ANGPT2: variants seen among roughly 807,000 people sequenced by gnomAD.
The protein encoded by ANGPT2 is angiopoietin-2.
ANGPT2 carries 28 observed loss-of-function variants against 62.9 expected under a neutral mutation model. The ratio of observed to expected loss-of-function variants is 0.44; its 90% confidence interval spans 0.33 to 0.61. The LOEUF (loss-of-function observed/expected upper bound fraction) is 0.61. Among genes scored for constraint, ANGPT2 ranks in the 20% least tolerant of loss-of-function variants. The probability of loss-of-function intolerance (pLI) is 0.03; values close to 1 mark genes in which losing one functional copy is unlikely to be tolerated. For synonymous variants in ANGPT2, 284 were observed against 207.8 expected, an observed-to-expected ratio of 1.37 and a Z score of -3.15; for missense variants, 727 against 594.9, an observed-to-expected ratio of 1.22 and a Z score of -2.31.
chr8:6,541,585 C>T (rs1041213106), intron 1 of ANGPT2, among the ~76,000 whole-genome samples: 1 of 152,236 alleles, frequency 6.6e-6, no homozygotes, highest in Non-Finnish European at 1.5e-5. Context: ...CTGAGTTATT[C>T]TGCAGACTTC....
chr8:6,525,362 A>G (rs911999229), intron 3 of ANGPT2, among the ~76,000 whole-genome samples: 4 of 152,036 alleles, frequency 2.6e-5, no homozygotes, highest in African/African-American at 9.7e-5. Context: ...TCCAAATAGG[A>G]GGGATTACAG....
In ANGPT2 at chr8:6,506,720, A is replaced by G. The variant is rs151275414; in HGVS notation, c.1327+2212T>C. 3.5e-3 allele frequency among the ~76,000 whole-genome samples: 538 copies of G among 151,962 alleles called. 1 individual carries two copies. Among genetic ancestry groups the G allele is most frequent in the African/African-American group, 0.011 (469 of 41,464 alleles). On this transcript the variant is annotated intron_variant, in intron 8 of 8. Transcript: ENST00000629816. ...CTCATTGGTGTAATAATGGTGTAAC[A>G]TAGGGAGGACCTGTGGTACCAAATA...
At chr8:6,535,878 C>G (rs1364639905) in intron 1 of ANGPT2, among the ~76,000 whole-genome samples, 1 of 145,220 alleles carries the variant, frequency 6.9e-6, no homozygotes, top group Non-Finnish European at 1.5e-5. Flanking sequence ...TGAAACCCAT[C>G]TCTACAAAAA....
chr8:6,519,775 T>A, intron 5 of ANGPT2, 89 bp downstream of exon 5: 1 of 1,498,854 alleles, frequency 6.7e-7, no homozygotes, highest in Non-Finnish European at 9.1e-7. Context: ...GGAAGATCTT[T>A]GGGGAGAGAC....
In ANGPT2 at chr8:6,527,073, C is replaced by T. The variant is rs189145462; in HGVS notation, c.566+482G>A. Among the ~76,000 whole-genome samples the T allele has an allele frequency of 1.1e-4, 17 of 152,286 alleles. No individual in the cohort carries two copies. In the East Asian group the frequency reaches 3.3e-3, roughly 29 times the overall value. ...CATTCTGCGTTGAGTGAAGCTAAGT[C>T]CCCAAGGGCAAAGGATCTTGGTCAA... On this transcript the variant is annotated intron_variant, in intron 3 of 8. Transcript: ENST00000629816.
rs1050332243 is a variant in ANGPT2, at chr8:6,518,933, A to C, written c.927+931T>G. Among the ~76,000 whole-genome samples, 6 of 152,122 alleles carry C rather than the reference A, an allele frequency of 3.9e-5. No homozygotes were observed. The East Asian group carries it at 1.2e-3, about 29-fold the overall frequency. ...AGGGTTTTTTTTTTTCCTTATCTAAAGTTCAGTGTCTCCCAAAGCACCTTC... is the reference window on the plus strand; with the variant it reads ...AGGGTTTTTTTTTTTCCTTATCTAACGTTCAGTGTCTCCCAAAGCACCTTC... On this transcript the variant is annotated intron_variant, in intron 5 of 8. Coordinates refer to ENST00000629816, the MANE Select transcript of ANGPT2 (RefSeq NM_001118887.2).
At chr8:6,557,938 T>C (rs1038710338) in intron 1 of ANGPT2, among the ~76,000 whole-genome samples, 3 of 152,180 alleles carry the variant, frequency 2.0e-5, no homozygotes, top group Non-Finnish European at 4.4e-5. Context: ...CCTCCTTTCT[T>C]CCCTGTCAAA....
chr8:6,535,553 CATG>C (rs1199334750), intron 1 of ANGPT2, among the ~76,000 whole-genome samples: 1 of 152,066 alleles, frequency 6.6e-6, no homozygotes, highest in African/African-American at 2.4e-5. Context: ...TACAAATACA[CATG>C]ATGTGTGTAT....
chr8:6,518,107 G>T (rs1370918581), intron 5 of ANGPT2, among the ~76,000 whole-genome samples: 1 of 152,128 alleles, frequency 6.6e-6, no homozygotes, highest in Non-Finnish European at 1.5e-5. Flanking sequence ...CAGTGCACTG[G>T]GGTGGGAAGC....
chr8:6,541,816 C>T (rs2129573980), intron 1 of ANGPT2, among the ~76,000 whole-genome samples: 1 of 152,152 alleles, frequency 6.6e-6, no homozygotes, highest in South Asian at 2.1e-4. Context: ...CCAGCCTAGG[C>T]AACATGGCGA....
At chr8:6,537,134 C>A (rs182083660) in intron 1 of ANGPT2, among the ~76,000 whole-genome samples, 5 of 152,098 alleles carry the variant, frequency 3.3e-5, no homozygotes, top group Middle Eastern at 3.2e-3. Context: ...GGAGGGGACC[C>A]GGCTCTTTCC....
intron 5 of ANGPT2, among the ~76,000 whole-genome samples, chr8:6,518,021 C>A (rs115512325): frequency 3.3e-5 from 5 of 151,308 alleles, no homozygotes; most frequent in African/African-American, 1.2e-4. Context: ...ACCTGAGGCT[C>A]ATATAATCCC....
intron 3 of ANGPT2, among the ~76,000 whole-genome samples, chr8:6,522,587 A>G (rs1586337396): frequency 6.6e-6 from 1 of 151,992 alleles, no homozygotes; most frequent in Admixed American, 6.6e-5. Context: ...CAGGCTGGCC[A>G]ACATGGTGAA....
chr8:6,551,387 G>T (rs759077804), intron 1 of ANGPT2, among the ~76,000 whole-genome samples: 5 of 130,098 alleles, frequency 3.8e-5, no homozygotes, highest in Non-Finnish European at 7.5e-5. Context: ...TTATGTAACT[G>T]TAAACAAATT....
Position 6,519,962 on chromosome 8 carries a change from GTTC to G in ANGPT2, c.826_828del (p.Glu276del), listed in dbSNP as rs1817003152. On this transcript the variant is annotated inframe_deletion, in exon 5 of 9. Transcript: ENST00000629816. ...TCAGCACAGTCTCTGAAGCTGATTT[GTTC>G]TTCTTTAGCAACAGTGGGGTCCTTA... 2 of 1,614,064 alleles carry G rather than the reference GTTC, an allele frequency of 1.2e-6. No individual in the cohort carries two copies. Among genetic ancestry groups the G allele is most frequent in the Non-Finnish European group, 1.7e-6 (2 of 1,179,954 alleles).
At chr8:6,513,268 TTG>T (rs751372716) in intron 7 of ANGPT2, among the ~76,000 whole-genome samples, 29 of 152,298 alleles carry the variant, frequency 1.9e-4, no homozygotes, top group Non-Finnish European at 3.2e-4. Context: ...GGTTAAATCA[TTG>T]TGTTTCTCAT....
chr8:6,503,314 C>G, intron 8 of ANGPT2, 53 bp from the exon 9 acceptor site: 2 of 1,596,732 alleles, frequency 1.3e-6, no homozygotes, highest in Admixed American at 1.7e-5. Context: ...CCAGCTCCCA[C>G]CACGAAGACA....
intron 7 of ANGPT2, 126 bp downstream of exon 7, chr8:6,513,552 C>G: frequency 3.3e-6 from 2 of 613,952 alleles, no homozygotes; most frequent in Non-Finnish European, 5.2e-6. Flanking sequence ...CCAGGATGGT[C>G]TCAATCTCCT....
At position 6,501,903 on chromosome 8, in the gene ANGPT2, A is replaced by T. The variant is rs940738500; in HGVS notation, c.*1198T>A. ...AATATTTAAATATATTATGAACATC[A>T]GATTTTGTTTTTGCACTTTGAAACC... is the stretch of plus-strand genomic sequence containing the variant. On this transcript the variant is annotated 3_prime_UTR_variant, in exon 9 of 9. Coordinates refer to ENST00000629816, the MANE Select transcript of ANGPT2 (RefSeq NM_001118887.2). The T allele has an allele frequency of 6.7e-6, 1 of 149,006 alleles. No homozygotes were observed. Among genetic ancestry groups the T allele is most frequent in the Non-Finnish European group, 1.5e-5 (1 of 67,208 alleles). The allele number at this position is 149,006 out of a possible 1,614,324, so 9.2% of individuals were successfully genotyped here.
Sources: gnomAD v4.1 joint callset for allele counts (sites outside exome capture counted in the v4.1 genomes callset) on GRCh38, gnomAD v4.1.1 for gene constraint, MANE v1.5 for transcripts, NCBI Gene and HGNC (gene_info 2026-07-23, HGNC 2026-07-21) for gene names.